Variants in EPHA8 observed in about 807,000 individuals in gnomAD.
EPHA8 encodes the protein ephrin type-A receptor 8.
Under a neutral mutation model 103.6 loss-of-function variants are expected in EPHA8, and 58 were observed. The ratio of observed to expected loss-of-function variants is 0.56; its 90% CI spans 0.45 to 0.70. EPHA8 has a LOEUF of 0.70. Among genes scored for constraint, EPHA8 ranks in the 30% least tolerant of loss-of-function variants. The pLI, the probability that EPHA8 is intolerant of heterozygous loss-of-function variation, is 0.00. For missense variants in EPHA8, 1,304 were observed against 1,395.2 expected (o/e 0.93, Z 1.04); for synonymous variants, 559 against 572.5 (o/e 0.98, Z 0.34).
At chr1:22,595,445 C>G in intron 8 of EPHA8, 122 bp downstream of exon 8, 1 of 689,734 alleles carries the variant, frequency 1.4e-6, no homozygotes, top group Non-Finnish European at 2.5e-6. Flanking sequence ...TACAAACACA[C>G]CACCTCATTT....
At position 22,588,955 on chromosome 1, in the gene EPHA8, G is replaced by T; in HGVS notation, c.1064G>T (p.Gly355Val). 6.2e-7 allele frequency: 1 copy of T among 1,613,076 alleles called. No individual in the cohort carries two copies. Among genetic ancestry groups the T allele is most frequent in the Non-Finnish European group, 8.5e-7 (1 of 1,179,954 alleles). The change falls in exon 5 of 17, where the codon GGT becomes GTT. Residue 355 changes from glycine to valine, a missense_variant. Physicochemically the swap from Gly to Val is moderately radical, Grantham distance 109. Transcript: ENST00000166244. ...GAGTGGGCCCCTCCCCTGGACCCAG[G>T]TGGCCGCAGTGACATCACCTACAAT... The part of the protein sequence containing the change: ...TLEWAPPLDP[G>V]GRSDITYNAV...
intron 3 of EPHA8, among the ~76,000 whole-genome samples, chr1:22,583,273 G>T (rs1329004138): frequency 1.3e-5 from 2 of 152,246 alleles, no homozygotes; most frequent in East Asian, 1.9e-4. Flanking sequence ...CAGGTCTCTG[G>T]GCTCCCTGAG....
intron 1 of EPHA8, among the ~76,000 whole-genome samples, chr1:22,564,633 G>C (rs2124503491): frequency 6.6e-6 from 1 of 152,118 alleles, no homozygotes; most frequent in Admixed American, 6.5e-5. Flanking sequence ...AAGAAGAGCT[G>C]AGAGGGAGCA....
chr1:22,565,750 G>T (rs1252959088), intron 1 of EPHA8, among the ~76,000 whole-genome samples: 3 of 152,328 alleles, frequency 2.0e-5, no homozygotes, highest in East Asian at 1.9e-4. Context: ...AGCAGCTGAG[G>T]AAGAGGCAAG....
rs1367018116 is a variant in EPHA8 at position 22,590,172 on chromosome 1, CACAG to C, written c.1315+968_1315+971del. Among the ~76,000 whole-genome samples, 3 of 152,310 alleles carry C rather than the reference CACAG, an allele frequency of 2.0e-5. No homozygotes were observed. The East Asian group carries it at 5.8e-4, about 29-fold the overall frequency. On this transcript the variant is annotated intron_variant, in intron 5 of 16. Transcript: ENST00000166244. ...CAAGTGTGGTGCCAGGTGCTGGCAA[CACAG>C]AGAGAGAGTGAGCTATGTGCCCCGT... is the stretch of plus-strand genomic sequence containing the variant.
In EPHA8 at chr1:22,598,048, C is replaced by T; in HGVS notation, c.2117-103C>T. 1.4e-6 allele frequency: 2 copies of T among 1,454,500 alleles called. No individual in the cohort carries two copies. The highest frequency in any genetic ancestry group is 2.3e-5 in the East Asian group (1 of 44,136). 90.1% of individuals were successfully genotyped at this position (1,454,500 alleles called of 1,614,324 possible). A position where few individuals can be genotyped will look rare whatever the true frequency, so the allele number is the denominator to read the frequency against. On this transcript the variant is annotated intron_variant, in intron 11 of 16. Coordinates refer to ENST00000166244, the MANE Select transcript of EPHA8 (RefSeq NM_020526.5). The surrounding 1 kb of genome is among the most constrained non-coding windows in gnomAD (Gnocchi z 5.1). ...GAAACCCAAGGCACCCTGGGGTTTC[C>T]AGTGCTGGCACAGGTCCTGAGATGG... is the stretch of plus-strand genomic sequence containing the variant.
intron 1 of EPHA8, among the ~76,000 whole-genome samples, chr1:22,568,182 T>G (rs1640421068): frequency 3.3e-5 from 5 of 152,186 alleles, no homozygotes; most frequent in Admixed American, 3.3e-4. Context: ...CATCCCACCC[T>G]TAGGTACTAT....
At position 22,601,176 on chromosome 1, in the gene EPHA8, C is replaced by T. The variant is rs368589338; in HGVS notation, c.2729+88C>T. ...TCCCTGGGACAGTTTGGCCCTGACA[C>T]TAGGACCAGGCCCAGCCTGGGCCCC... On this transcript the variant is annotated intron_variant, in intron 15 of 16. Transcript: ENST00000166244. 8 of 1,535,296 alleles carry T rather than the reference C, an allele frequency of 5.2e-6. No homozygotes were observed. In the East Asian group the frequency reaches 6.8e-5, roughly 13 times the overall value.
rs1557584816 is a variant in EPHA8, at chr1:22,600,643, CT to C, written c.2389-16del. ...GCCAGGCCTGGGCAGCCCCTCAACT[CT>C]TGTGTGTCCGTCGCAGGGCGGGAAG... On this transcript the variant is annotated splice_polypyrimidine_tract_variant and intron_variant, in intron 13 of 16. Coordinates refer to ENST00000166244, the MANE Select transcript of EPHA8 (RefSeq NM_020526.5). The C allele has an allele frequency of 6.2e-7, 1 of 1,612,136 alleles. No individual in the cohort carries two copies. Among genetic ancestry groups the C allele is most frequent in the East Asian group, 2.2e-5 (1 of 44,850 alleles).
chr1:22,576,957 G>C lies in EPHA8; in HGVS notation c.823+77G>C. ...TGGCAGGGCTGCCAGGGTGTAAGGG[G>C]GGACGTCAGAGCCCACAGGCACCTG... On this transcript the variant is annotated intron_variant, in intron 3 of 16. Coordinates refer to ENST00000166244, the MANE Select transcript of EPHA8 (RefSeq NM_020526.5). The surrounding 1 kb of genome is among the most constrained non-coding windows in gnomAD (Gnocchi z 4.8). 6.8e-7 allele frequency: 1 copy of C among 1,474,020 alleles called. No individual in the cohort carries two copies. The highest frequency in any genetic ancestry group is 9.0e-7 in the Non-Finnish European group (1 of 1,109,230). The allele number at this position is 1,474,020 out of a possible 1,614,324, so 91.3% of individuals were successfully genotyped here.
At chr1:22,579,482 G>C (rs1024109977) in intron 3 of EPHA8, among the ~76,000 whole-genome samples, 4 of 151,788 alleles carry the variant, frequency 2.6e-5, no homozygotes, top group African/African-American at 4.8e-5. Flanking sequence ...GTATACGTGA[G>C]TGTATGTCTG....
At chr1:22,572,896 T>G (rs1000265612) in intron 2 of EPHA8, among the ~76,000 whole-genome samples, 2 of 152,186 alleles carry the variant, frequency 1.3e-5, no homozygotes, top group African/African-American at 4.8e-5. Context: ...TCTGTGCCAC[T>G]CTGGGCATCA....
Position 22,599,061 on chromosome 1 carries a change from A to T in EPHA8, c.2388+14A>T. 5.7e-6 allele frequency: 9 copies of T among 1,583,622 alleles called. No homozygotes were observed. The highest frequency in any genetic ancestry group is 6.9e-6 in the Non-Finnish European group (8 of 1,165,032). ...TACACCACCACGGTGCGTCGCCCAC[A>T]CTCCTTCCGGCTAGACTGGGGAGTG... On this transcript the variant is annotated intron_variant, in intron 13 of 16. Transcript: ENST00000166244.
At position 22,601,979 on chromosome 1, in the gene EPHA8, C is replaced by G; in HGVS notation, c.*238C>G. On this transcript the variant is annotated 3_prime_UTR_variant, in exon 17 of 17. Transcript: ENST00000166244. ...CTGTCCCCCAGGGCAGGCACCTTCT[C>G]TTTTCCAGAGCCTGGGGCCTCCACG... 1.7e-6 allele frequency: 1 copy of G among 577,550 alleles called. No individual in the cohort carries two copies. Among genetic ancestry groups the G allele is most frequent in the Non-Finnish European group, 3.0e-6 (1 of 330,940 alleles). 35.8% of individuals were successfully genotyped at this position (577,550 alleles called of 1,614,324 possible).
chr1:22,567,836 G>T lies in EPHA8; in HGVS notation c.95-1453G>T, dbSNP rs1180417843. On this transcript the variant is annotated intron_variant, in intron 1 of 16. Transcript: ENST00000166244. This position sits in a 1 kb window ranked among gnomAD's most constrained non-coding sequence, Gnocchi z 4.2. ...AGCCCGCTGATTGGGGTGGTTAAAA[G>T]CCCATGGCTGTTGGCTGGGAGAAGG... is the stretch of plus-strand genomic sequence containing the variant. Among the ~76,000 whole-genome samples, 2 of 152,148 alleles carry T rather than the reference G, an allele frequency of 1.3e-5. No individual in the cohort carries two copies. The highest frequency in any genetic ancestry group is 2.9e-5 in the Non-Finnish European group (2 of 68,030).
chr1:22,580,249 C>T (rs1641010284), intron 3 of EPHA8, among the ~76,000 whole-genome samples: 1 of 150,068 alleles, frequency 6.7e-6, no homozygotes, highest in African/African-American at 2.5e-5. Context: ...AGCGGTTCTC[C>T]TGCCTCAGCC....
chr1:22,585,973 C>A (rs527913112), intron 3 of EPHA8, among the ~76,000 whole-genome samples: 19 of 152,260 alleles, frequency 1.2e-4, no homozygotes, highest in South Asian at 6.2e-4. Flanking sequence ...GTGTCCCCCC[C>A]CTTTCTAGTC....
At chr1:22,571,378 T>G (rs1051036927) in intron 2 of EPHA8, among the ~76,000 whole-genome samples, 3 of 152,152 alleles carry the variant, frequency 2.0e-5, no homozygotes, top group African/African-American at 7.2e-5. Flanking sequence ...AAGGTGAGGC[T>G]CAGGGCAGTG....
At chr1:22,586,784 G>GT in intron 4 of EPHA8, 149 bp downstream of exon 4, 17 of 1,016,482 alleles carry the variant, frequency 1.7e-5, no homozygotes, top group Non-Finnish European at 2.4e-5. Flanking sequence ...CTGAGGTGGG[G>GT]GGGGTGACTC....
Sources: gnomAD v4.1 joint callset for allele counts (sites outside exome capture counted in the v4.1 genomes callset) on GRCh38, gnomAD v4.1.1 for gene constraint, Gnocchi (gnomAD v3.1) non-coding constraint, MANE v1.5 for transcripts, NCBI Gene and HGNC (gene_info 2026-07-23, HGNC 2026-07-21) for gene names.